Variants in MCC observed in about 807,000 individuals in gnomAD.
The protein encoded by MCC is colorectal mutant cancer protein.
A neutral mutation model predicts 116.2 loss-of-function variants in MCC; 90 were observed. That is an observed-to-expected ratio of 0.77 (90% CI 0.65 to 0.92). MCC has a LOEUF of 0.92. Ranked by LOEUF, MCC falls within the 40% of genes least tolerant of loss-of-function variation. The pLI is 0.00. For synonymous variants in MCC, 578 were observed against 510.5 expected (o/e 1.13, Z -1.78); for missense variants, 1,516 against 1,312.2 (o/e 1.16, Z -2.40).
intron 2 of MCC, among the ~76,000 whole-genome samples, chr5:113,372,199 C>T (rs573976727): frequency 2.6e-4 from 39 of 152,172 alleles, no homozygotes; most frequent in Non-Finnish European, 5.0e-4. Context: ...TGGATTCCCA[C>T]GAACTTTCTT....
At chr5:113,260,506 A>C (rs1019576446) in intron 3 of MCC, among the ~76,000 whole-genome samples, 2 of 152,280 alleles carry the variant, frequency 1.3e-5, no homozygotes, top group East Asian at 3.9e-4. Flanking sequence ...GGTGTCTTGC[A>C]ATCATCTTTT....
chr5:113,180,601 TG>T lies in MCC; in HGVS notation c.628-29180del, dbSNP rs548782494. Among the ~76,000 whole-genome samples the T allele has an allele frequency of 9.2e-5, 14 of 152,286 alleles. No individual in the cohort carries two copies. In the South Asian group the frequency reaches 2.9e-3, roughly 32 times the overall value. On this transcript the variant is annotated intron_variant, in intron 3 of 18. Transcript: ENST00000408903. ...CCCAAGATTGACCACTTAACAAAAA[TG>T]CTTACTGACATGAGAGAAGTTTATG...
chr5:113,156,588 G>A (rs902789462), intron 3 of MCC, among the ~76,000 whole-genome samples: 7 of 152,220 alleles, frequency 4.6e-5, no homozygotes, highest in Non-Finnish European at 7.3e-5. Context: ...TAAGGCTTAA[G>A]GAGCTGACAG....
At chr5:113,067,700 T>C (rs765538882) in intron 13 of MCC, among the ~76,000 whole-genome samples, 19 of 152,160 alleles carry the variant, frequency 1.2e-4, no homozygotes, top group Non-Finnish European at 2.4e-4. Context: ...GCTCAGCCAA[T>C]GGAACGAGAT....
At chr5:113,382,270 CTTT>C (rs112153904) in intron 2 of MCC, among the ~76,000 whole-genome samples, 17 of 136,162 alleles carry the variant, frequency 1.2e-4, no homozygotes, top group Admixed American at 1.5e-4. Context: ...AATTATTGTC[CTTT>C]TTTTTTTTTT....
In MCC at chr5:113,471,863, C is replaced by T. The variant is rs535552857; in HGVS notation, c.170+16382G>A. On this transcript the variant is annotated intron_variant, in intron 1 of 18. Transcript: ENST00000408903. ...AATCAAACAACTAACTCAGTAATGGCGGGCGCCCCTCCCCCAGCCTTGCTG... is the reference window on the plus strand; with the variant it reads ...AATCAAACAACTAACTCAGTAATGGTGGGCGCCCCTCCCCCAGCCTTGCTG... Among the ~76,000 whole-genome samples, 165 of 152,174 alleles carry T rather than the reference C, an allele frequency of 1.1e-3. 3 individuals carry two copies. Among genetic ancestry groups the T allele is most frequent in the East Asian group, 5.8e-3 (30 of 5,166 alleles).
chr5:113,198,908 T>C (rs1163296886), intron 3 of MCC, among the ~76,000 whole-genome samples: 1 of 151,808 alleles, frequency 6.6e-6, no homozygotes, highest in Non-Finnish European at 1.5e-5. Context: ...TATATAGAAA[T>C]GAAATCAATA....
intron 3 of MCC, among the ~76,000 whole-genome samples, chr5:113,215,894 A>C (rs1245740973): frequency 1.3e-5 from 2 of 152,234 alleles, no homozygotes; most frequent in African/African-American, 4.8e-5. Context: ...GCCTACACTC[A>C]GTAGGGGCTG....
intron 5 of MCC, among the ~76,000 whole-genome samples, chr5:113,137,857 T>C (rs1758931942): frequency 6.6e-6 from 1 of 152,118 alleles, no homozygotes; most frequent in South Asian, 2.1e-4. Context: ...ACCTCTCAGA[T>C]GGTGCCATCA....
chr5:113,294,482 C>A, intron 3 of MCC: 1 of 1,592,524 alleles, frequency 6.3e-7, no homozygotes, highest in South Asian at 1.1e-5. Flanking sequence ...TCCCTTCTGC[C>A]ACATTTTAGT....
At chr5:113,170,703 T>C (rs1022736003) in intron 3 of MCC, among the ~76,000 whole-genome samples, 7 of 152,212 alleles carry the variant, frequency 4.6e-5, no homozygotes, top group African/African-American at 1.7e-4. Context: ...TAACATACTT[T>C]ATTATGTTTG....
chr5:113,080,213 A>C (rs993263511), intron 11 of MCC, among the ~76,000 whole-genome samples: 3 of 152,222 alleles, frequency 2.0e-5, no homozygotes, highest in Non-Finnish European at 4.4e-5. Context: ...TGGGACTGTA[A>C]ACTAGTTCAA....
chr5:113,169,041 C>A (rs979228388), intron 3 of MCC, among the ~76,000 whole-genome samples: 1 of 152,134 alleles, frequency 6.6e-6, no homozygotes, highest in Non-Finnish European at 1.5e-5. Flanking sequence ...CAATCCCCAG[C>A]CCCAGAGCAC....
chr5:113,258,258 T>C (rs951423276), intron 3 of MCC, among the ~76,000 whole-genome samples: 1 of 152,244 alleles, frequency 6.6e-6, no homozygotes, highest in African/African-American at 2.4e-5. Context: ...GTATACTGAA[T>C]TGTGATGTAA....
chr5:113,055,636 C>A (rs562797527), intron 14 of MCC, among the ~76,000 whole-genome samples: 17 of 152,272 alleles, frequency 1.1e-4, no homozygotes, highest in African/African-American at 4.1e-4. Flanking sequence ...GTGGGAAGTC[C>A]CTTGGAGATA....
chr5:113,248,899 C>T (rs1764678289), intron 3 of MCC, among the ~76,000 whole-genome samples: 1 of 108,570 alleles, frequency 9.2e-6, no homozygotes, highest in Non-Finnish European at 1.9e-5. Flanking sequence ...ATGATCTCAG[C>T]TCACTGCAGC....
intron 11 of MCC, among the ~76,000 whole-genome samples, chr5:113,074,856 T>A (rs1370044190): frequency 1.3e-5 from 2 of 152,238 alleles, no homozygotes; most frequent in East Asian, 3.9e-4. Flanking sequence ...TAAAAAGAAA[T>A]GAACAAAGCC....
At chr5:113,168,634 T>G (rs995925572) in intron 3 of MCC, among the ~76,000 whole-genome samples, 2 of 152,122 alleles carry the variant, frequency 1.3e-5, no homozygotes, top group Non-Finnish European at 2.9e-5. Context: ...CACAAAACCC[T>G]TGTGGTTTAC....
intron 3 of MCC, among the ~76,000 whole-genome samples, chr5:113,317,426 T>G (rs530091739): frequency 6.6e-6 from 1 of 152,208 alleles, no homozygotes; most frequent in Non-Finnish European, 1.5e-5. Context: ...GTAGATTTAT[T>G]TGAGTAAATG....
Sources: allele counts gnomAD v4.1 joint callset (sites outside exome capture counted in the v4.1 genomes callset), GRCh38; gene constraint gnomAD v4.1.1; transcripts MANE v1.5; gene names NCBI Gene and HGNC (gene_info 2026-07-23, HGNC 2026-07-21).